Variants in IL23R observed in about 807,000 individuals in gnomAD.
IL23R encodes the protein interleukin-23 receptor.
In IL23R, 34 loss-of-function variants were observed where a neutral mutation model predicts 56.9. That is an observed-to-expected ratio of 0.60 (90% CI 0.45 to 0.80). The LOEUF is 0.80. IL23R is among the 30% of genes least tolerant of loss of function. The probability of loss-of-function intolerance (pLI) is 0.00; values close to 1 mark genes in which losing one functional copy is unlikely to be tolerated. For missense variants in IL23R, 635 were observed against 730.0 expected, an observed-to-expected ratio of 0.87 and a Z score of 1.50; for synonymous variants, 230 against 249.2, an observed-to-expected ratio of 0.92 and a Z score of 0.73.
upstream of IL23R, among the ~76,000 whole-genome samples, chr1:67,162,296 C>G (rs1388139477): frequency 6.6e-6 from 1 of 151,814 alleles, no homozygotes; most frequent in East Asian, 1.9e-4. Flanking sequence ...AAACCCATCT[C>G]TACTAAAAAT....
chr1:67,195,816 A>C (rs568227824), intron 4 of IL23R, among the ~76,000 whole-genome samples: 1 of 152,306 alleles, frequency 6.6e-6, no homozygotes, highest in Admixed American at 6.5e-5. Context: ...TAAAATATAG[A>C]ATTTCTATAG....
At chr1:67,142,064 G>A (rs1167176858) in intron 1 of IL23R, among the ~76,000 whole-genome samples, 4 of 152,126 alleles carry the variant, frequency 2.6e-5, no homozygotes, top group African/African-American at 7.2e-5. Flanking sequence ...CAGTCTTCAC[G>A]ATGGCTGGGA....
chr1:67,213,835 T>C (rs1649656867), intron 6 of IL23R, among the ~76,000 whole-genome samples: 1 of 152,222 alleles, frequency 6.6e-6, no homozygotes, highest in South Asian at 2.1e-4. Context: ...TCTTGAAAGA[T>C]GGTTCCAGGT....
chr1:67,216,490 T>C (rs1277972081), intron 6 of IL23R, among the ~76,000 whole-genome samples: 3 of 152,176 alleles, frequency 2.0e-5, no homozygotes, highest in Non-Finnish European at 4.4e-5. Context: ...AAGGGCCAAA[T>C]GGTAAACATT....
At chr1:67,203,699 T>G (rs1648795924) in intron 5 of IL23R, among the ~76,000 whole-genome samples, 2 of 152,084 alleles carry the variant, frequency 1.3e-5, no homozygotes, top group African/African-American at 2.4e-5. Context: ...CAACGCAAAT[T>G]AGATAAATGA....
At chr1:67,164,998 A>G (rs1646858503), upstream of IL23R, among the ~76,000 whole-genome samples, 1 of 152,192 alleles carries the variant, frequency 6.6e-6, no homozygotes, top group African/African-American at 2.4e-5. Flanking sequence ...GCTTGAGTTC[A>G]GGAGTTCAAG....
At chr1:67,211,663 T>A (rs946106941) in intron 6 of IL23R, among the ~76,000 whole-genome samples, 1 of 151,654 alleles carries the variant, frequency 6.6e-6, no homozygotes, top group African/African-American at 2.4e-5. Flanking sequence ...TCTTACTTCA[T>A]GCAAATAGGA....
intron 9 of IL23R, among the ~76,000 whole-genome samples, chr1:67,252,674 G>C (rs941427670): frequency 6.6e-5 from 10 of 151,758 alleles, no homozygotes; most frequent in African/African-American, 2.4e-4. Context: ...ACACCATCTA[G>C]TAAAAGAAAA....
intron 10 of IL23R, 85 bp from the exon 11 acceptor site, chr1:67,258,393 A>G: frequency 9.6e-7 from 1 of 1,042,928 alleles, no homozygotes; most frequent in Non-Finnish European, 1.4e-6. Flanking sequence ...AGTTGAAAGA[A>G]AGCAAAATTC....
chr1:67,264,176 T>A (rs1653283621), downstream of IL23R, among the ~76,000 whole-genome samples: 2 of 152,222 alleles, frequency 1.3e-5, no homozygotes, highest in Admixed American at 1.3e-4. Flanking sequence ...CTGAGATTAA[T>A]GACTGCAAAA....
At chr1:67,165,633 T>C (rs1646866227), upstream of IL23R, among the ~76,000 whole-genome samples, 1 of 152,142 alleles carries the variant, frequency 6.6e-6, no homozygotes, top group African/African-American at 2.4e-5. Context: ...TATGCAGCCA[T>C]AAAAAGGAAG....
At chr1:67,167,143 C>G (rs1454965917) in intron 1 of IL23R, among the ~76,000 whole-genome samples, 1 of 152,166 alleles carries the variant, frequency 6.6e-6, no homozygotes, top group Non-Finnish European at 1.5e-5. Flanking sequence ...CACTCTGTCG[C>G]CCAGGCTGGA....
At position 67,240,929 on chromosome 1, in the gene IL23R, A is replaced by G. The variant is rs145999251; in HGVS notation, c.1148+648A>G. On this transcript the variant is annotated intron_variant, in intron 9 of 10. Coordinates refer to ENST00000347310, the MANE Select transcript of IL23R (RefSeq NM_144701.3). ...ATTGGCATTTGCCTTATTTGAACAC[A>G]GTTTGAACACTTAGCAGTCTATGAG... Among the ~76,000 whole-genome samples, 1,164 of 152,344 alleles carry G rather than the reference A, an allele frequency of 7.6e-3. 5 individuals carry two copies. The highest frequency in any genetic ancestry group is 0.012 in the Non-Finnish European group (789 of 68,026).
intron 9 of IL23R, among the ~76,000 whole-genome samples, chr1:67,254,108 A>T (rs1055360060): frequency 6.6e-6 from 1 of 152,066 alleles, no homozygotes; most frequent in African/African-American, 2.4e-5. Flanking sequence ...TCGCTCTATC[A>T]TCCATACTGG....
At chr1:67,253,820 T>C (rs759850795) in intron 9 of IL23R, among the ~76,000 whole-genome samples, 3 of 152,172 alleles carry the variant, frequency 2.0e-5, no homozygotes, top group Admixed American at 6.5e-5. Context: ...TAAGTAACAC[T>C]AAGTTCATAA....
At chr1:67,218,705 C>T (rs934462297) in intron 6 of IL23R, among the ~76,000 whole-genome samples, 3 of 151,924 alleles carry the variant, frequency 2.0e-5, no homozygotes, top group Non-Finnish European at 2.9e-5. Context: ...AGAGAGATGA[C>T]TTGTGCCCAG....
At chr1:67,157,741 T>C (rs1646781196) in intron 1 of IL23R, among the ~76,000 whole-genome samples, 1 of 152,258 alleles carries the variant, frequency 6.6e-6, no homozygotes, top group Non-Finnish European at 1.5e-5. Context: ...TTAAACTTGC[T>C]GTCTACCTTT....
At position 67,205,919 on chromosome 1, in the gene IL23R, CTTTCTTT is replaced by C. The variant is rs1479232844; in HGVS notation, c.653-988_653-982del. Among the ~76,000 whole-genome samples, 480 of 117,428 alleles carry C rather than the reference CTTTCTTT, an allele frequency of 4.1e-3. 2 individuals carry two copies. Among genetic ancestry groups the C allele is most frequent in the Middle Eastern group, 0.023 (6 of 258 alleles). The allele number at this position is 117,428 out of a possible 152,430, so 77.0% of individuals were successfully genotyped here. A position where few individuals can be genotyped will look rare whatever the true frequency, so the allele number is the denominator to read the frequency against. On this transcript the variant is annotated intron_variant, in intron 5 of 10. Coordinates refer to ENST00000347310, the MANE Select transcript of IL23R (RefSeq NM_144701.3). The stretch of plus-strand genomic sequence containing the variant: ...TCTTTCTTTCTTTCTTTCTTTCTTT[CTTTCTTT>C]TTCTTTCTTTCTTTCTCTTTTTTTT...
intron 6 of IL23R, among the ~76,000 whole-genome samples, chr1:67,210,059 G>C (rs1649349212): frequency 3.3e-5 from 5 of 152,214 alleles, no homozygotes; most frequent in Admixed American, 3.3e-4. Flanking sequence ...TAAGTGAAAA[G>C]TGTATAGTTC....
Sources: gnomAD v4.1 joint callset for allele counts (sites outside exome capture counted in the v4.1 genomes callset) on GRCh38, gnomAD v4.1.1 for gene constraint, MANE v1.5 for transcripts, NCBI Gene and HGNC (gene_info 2026-07-23, HGNC 2026-07-21) for gene names.